MAN1C1: variants seen among roughly 807,000 people sequenced by gnomAD.
MAN1C1 encodes mannosidase alpha class 1C member 1, also known as mannosyl-oligosaccharide 1,2-alpha-mannosidase IC.
A neutral mutation model predicts 71.5 loss-of-function variants in MAN1C1; 49 were observed. The ratio of observed to expected loss-of-function variants is 0.69; its 90% confidence interval spans 0.54 to 0.87. The LOEUF is 0.87. Among genes scored for constraint, MAN1C1 ranks in the 40% least tolerant of loss-of-function variants. The pLI is 0.00. For missense variants in MAN1C1, 743 were observed against 835.0 expected (o/e 0.89, Z 1.36); for synonymous variants, 352 against 343.7 (o/e 1.02, Z -0.27).
intron 1 of MAN1C1, among the ~76,000 whole-genome samples, chr1:25,647,415 C>T (rs1371177783): frequency 2.0e-5 from 3 of 152,040 alleles, no homozygotes; most frequent in Admixed American, 6.6e-5. Flanking sequence ...AGACAGGTTA[C>T]GAGTCCAAAG....
At chr1:25,760,202 C>T (rs1200038571) in intron 6 of MAN1C1, 1 of 152,234 alleles carries the variant, frequency 6.6e-6, no homozygotes, top group Non-Finnish European at 1.5e-5. Flanking sequence ...TATAATGGCT[C>T]TACTCTTCCC....
intron 2 of MAN1C1, among the ~76,000 whole-genome samples, chr1:25,736,958 G>T (rs1432492895): frequency 6.6e-6 from 1 of 152,202 alleles, no homozygotes; most frequent in Non-Finnish European, 1.5e-5. Context: ...CCCTATCCAG[G>T]CCTCGCAGGA....
intron 1 of MAN1C1, among the ~76,000 whole-genome samples, chr1:25,660,140 G>A (rs780616269): frequency 1.3e-5 from 2 of 152,104 alleles, no homozygotes; most frequent in Admixed American, 6.5e-5. Flanking sequence ...GGTGGTTCAC[G>A]CCTGTAGTCC....
intron 2 of MAN1C1, among the ~76,000 whole-genome samples, chr1:25,701,306 G>A (rs894456386): frequency 6.6e-6 from 1 of 152,196 alleles, no homozygotes; most frequent in South Asian, 2.1e-4. Context: ...CTGAGAACTC[G>A]AGTTCTAGTG....
intron 2 of MAN1C1, among the ~76,000 whole-genome samples, chr1:25,707,224 A>G (rs1394061594): frequency 1.3e-5 from 2 of 152,262 alleles, no homozygotes; most frequent in African/African-American, 2.4e-5. Flanking sequence ...CAACGTATAA[A>G]GCCATCAGCA....
chr1:25,699,920 A>C (rs2046416726), intron 2 of MAN1C1, among the ~76,000 whole-genome samples: 1 of 152,178 alleles, frequency 6.6e-6, no homozygotes, highest in East Asian at 1.9e-4. Context: ...TCCAAGCTCC[A>C]CAGACAGCTG....
At chr1:25,768,642 A>C (rs1572208382) in intron 7 of MAN1C1, among the ~76,000 whole-genome samples, 1 of 82,622 alleles carries the variant, frequency 1.2e-5, no homozygotes, top group African/African-American at 4.9e-5. Context: ...ACAATTACAC[A>C]CTCCCCCACA....
At position 25,770,138 on chromosome 1, in the gene MAN1C1, C is replaced by A. The variant is rs2047530520; in HGVS notation, c.1142-1519C>A. Among the ~76,000 whole-genome samples, 4 of 152,194 alleles carry A rather than the reference C, an allele frequency of 2.6e-5. No homozygotes were observed. The South Asian group carries it at 8.3e-4, about 32-fold the overall frequency. On this transcript the variant is annotated intron_variant, in intron 7 of 11. Coordinates refer to ENST00000374332, the MANE Select transcript of MAN1C1 (RefSeq NM_020379.4). ...CCTCAACATGCCAGGCCTGGCCCAG[C>A]CCTTCTCTTCTGTGGGGCACCTAGG...
At chr1:25,662,529 AC>A (rs2045863422) in intron 1 of MAN1C1, among the ~76,000 whole-genome samples, 1 of 151,622 alleles carries the variant, frequency 6.6e-6, no homozygotes, top group African/African-American at 2.4e-5. Context: ...AAAACTATAA[AC>A]GTTCCTCCCC....
intron 2 of MAN1C1, among the ~76,000 whole-genome samples, chr1:25,741,500 G>A (rs1056939163): frequency 2.6e-5 from 4 of 152,178 alleles, no homozygotes; most frequent in African/African-American, 7.2e-5. Context: ...CGTGACACCC[G>A]GAGACCAGCC....
intron 2 of MAN1C1, among the ~76,000 whole-genome samples, chr1:25,693,036 CTT>C (rs777095289): frequency 2.0e-5 from 3 of 152,140 alleles, no homozygotes; most frequent in Non-Finnish European, 2.9e-5. Flanking sequence ...CTGAGTATAA[CTT>C]TTGACTTCCC....
Position 25,652,789 on chromosome 1 carries a change from GA to G in MAN1C1, c.541-33650del, listed in dbSNP as rs372408618. 2.4e-4 allele frequency among the ~76,000 whole-genome samples: 37 copies of G among 152,300 alleles called. No individual in the cohort carries two copies. The East Asian group carries it at 6.2e-3, about 25-fold the overall frequency. On this transcript the variant is annotated intron_variant, in intron 1 of 11. Coordinates refer to ENST00000374332, the MANE Select transcript of MAN1C1 (RefSeq NM_020379.4). ...GCTCAGCAGGGTGCCTGGCCCGTAG[GA>G]GGTGTTTAATCAATGTCGGCTTTAT...
chr1:25,685,532 G>A (rs1240271295), intron 1 of MAN1C1, among the ~76,000 whole-genome samples: 2 of 152,266 alleles, frequency 1.3e-5, no homozygotes, highest in Non-Finnish European at 2.9e-5. Flanking sequence ...GGGGTGGACT[G>A]TGACCTTGCA....
chr1:25,768,203 T>C, intron 7 of MAN1C1, among the ~76,000 whole-genome samples: 1 of 86,304 alleles, frequency 1.2e-5, no homozygotes, highest in Non-Finnish European at 2.2e-5. Context: ...ACATCCACAC[T>C]CCCCTCACAC....
At chr1:25,704,250 A>G (rs1408670315) in intron 2 of MAN1C1, among the ~76,000 whole-genome samples, 1 of 152,062 alleles carries the variant, frequency 6.6e-6, no homozygotes, top group Admixed American at 6.6e-5. Context: ...GGTAAGTTGG[A>G]CTTGTGTTTC....
In MAN1C1 at chr1:25,726,061, ACT is replaced by A. The variant is rs1260790661; in HGVS notation, c.638-20602_638-20601del. On this transcript the variant is annotated intron_variant, in intron 2 of 11. Coordinates refer to ENST00000374332, the MANE Select transcript of MAN1C1 (RefSeq NM_020379.4). ...TTGGCCTTGGCCTCTATGATGGGGG[ACT>A]CTCTTAACACTGCTCCGACTGTAGC... Among the ~76,000 whole-genome samples, 13 of 151,916 alleles carry A rather than the reference ACT, an allele frequency of 8.6e-5. No individual in the cohort carries two copies. In the East Asian group the frequency reaches 2.3e-3, roughly 27 times the overall value.
chr1:25,672,214 A>G (rs1253393550), intron 1 of MAN1C1, among the ~76,000 whole-genome samples: 1 of 152,188 alleles, frequency 6.6e-6, no homozygotes, highest in East Asian at 1.9e-4. Context: ...GAAGAGAGAG[A>G]GAGAGAGATA....
intron 2 of MAN1C1, among the ~76,000 whole-genome samples, chr1:25,727,437 G>A (rs138666997): frequency 7.9e-4 from 120 of 152,364 alleles, no homozygotes; most frequent in African/African-American, 2.9e-3. Flanking sequence ...GGTGGAGGAG[G>A]TTGGTGTCTG....
chr1:25,753,523 C>T lies in MAN1C1; in HGVS notation c.874C>T (p.Leu292=). Residue 292 remains leucine, a synonymous_variant, in exon 5 of 12, where the codon CTG becomes TTG. Transcript: ENST00000374332. The surrounding 1 kb of genome is among the most constrained non-coding windows in gnomAD (Gnocchi z 4.9). The part of the protein sequence containing the change: ...IKAIRLGEKL[L]PAFNTPTGIP... ...GGCCATCAGGCTGGGAGAGAAGCTCCTGCCGGCGTTCAACACCCCCACGGG... is the reference window on the plus strand; with the variant it reads ...GGCCATCAGGCTGGGAGAGAAGCTCTTGCCGGCGTTCAACACCCCCACGGG... 6 of 1,613,966 alleles carry T rather than the reference C, an allele frequency of 3.7e-6. No homozygotes were observed. Among genetic ancestry groups the T allele is most frequent in the Non-Finnish European group, 5.1e-6 (6 of 1,179,952 alleles).
Sources: allele counts gnomAD v4.1 joint callset (sites outside exome capture counted in the v4.1 genomes callset), GRCh38; gene constraint gnomAD v4.1.1; non-coding constraint Gnocchi (gnomAD v3.1); transcripts MANE v1.5; gene names NCBI Gene and HGNC (gene_info 2026-07-23, HGNC 2026-07-21).